The following TNRC6C variants were observed in gnomAD, a reference collection of about 807,000 sequenced individuals.
The protein encoded by TNRC6C is trinucleotide repeat containing adaptor 6C, also known as trinucleotide repeat-containing gene 6C protein.
Under a neutral mutation model 153.7 loss-of-function variants are expected in TNRC6C, and 20 were observed. The observed-to-expected ratio is 0.13, with a 90% confidence interval of 0.09 to 0.19. The LOEUF (loss-of-function observed/expected upper bound fraction) is 0.19. Among genes scored for constraint, TNRC6C ranks in the 10% least tolerant of loss-of-function variants. The probability of loss-of-function intolerance (pLI) is 1.00; values close to 1 mark genes in which losing one functional copy is unlikely to be tolerated. For missense variants in TNRC6C, 1,987 were observed against 2,172.0 expected, an observed-to-expected ratio of 0.91 and a Z score of 1.69; for synonymous variants, 811 against 841.4, an observed-to-expected ratio of 0.96 and a Z score of 0.63.
At chr17:77,961,158 T>C (rs1350596907) in intron 1 of TNRC6C, among the ~76,000 whole-genome samples, 1 of 132,568 alleles carries the variant, frequency 7.5e-6, no homozygotes, top group Non-Finnish European at 1.6e-5. Context: ...TCGGTTTTAC[T>C]TTTTTTTTTT....
At chr17:78,007,168 A>T (rs1340739111) in intron 1 of TNRC6C, among the ~76,000 whole-genome samples, 1 of 151,802 alleles carries the variant, frequency 6.6e-6, no homozygotes, top group African/African-American at 2.4e-5. Flanking sequence ...TTCATTGCTA[A>T]CTCCAAACTC....
exon 9 of TNRC6C, chr17:78,077,203 G>A: frequency 1.2e-6 from 2 of 1,602,640 alleles, no homozygotes; most frequent in Non-Finnish European, 1.7e-6. Flanking sequence ...CCTCGTGGAA[G>A]AGCCCACGCC....
chr17:77,959,433 C>CGGCCGG (rs370682207), intron 1 of TNRC6C, among the ~76,000 whole-genome samples, 165 bp downstream of exon 1: 2 of 151,040 alleles, frequency 1.3e-5, no homozygotes, highest in African/African-American at 4.8e-5. Context: ...CGGCGGGAAG[C>CGGCCGG]GGCCGGGGCC....
At chr17:78,037,890 A>G (rs1482453880) in intron 2 of TNRC6C, among the ~76,000 whole-genome samples, 1 of 152,170 alleles carries the variant, frequency 6.6e-6, no homozygotes, top group Non-Finnish European at 1.5e-5. Flanking sequence ...ATGAGCTATC[A>G]CTTTGAGCTG....
At chr17:78,070,328 A>G (rs1349163735) in intron 5 of TNRC6C, among the ~76,000 whole-genome samples, 1 of 152,208 alleles carries the variant, frequency 6.6e-6, no homozygotes, top group Non-Finnish European at 1.5e-5. Flanking sequence ...AGAGCTCCAT[A>G]TGCTCCATGA....
At chr17:78,039,317 C>A (rs373991520) in intron 2 of TNRC6C, among the ~76,000 whole-genome samples, 22 of 148,742 alleles carry the variant, frequency 1.5e-4, no homozygotes, top group Admixed American at 3.3e-4. Context: ...TTGCCCCCCC[C>A]CCCCACTCCC....
chr17:78,051,593 T>C, intron 3 of TNRC6C, 145 bp downstream of exon 5: 1 of 935,626 alleles, frequency 1.1e-6, no homozygotes, highest in Middle Eastern at 3.7e-4. Context: ...CCGTGCAATA[T>C]TGTATCTAAA....
chr17:78,050,008 G>A (rs1348513569), exon 3 of TNRC6C: 1 of 1,613,650 alleles, frequency 6.2e-7, no homozygotes, highest in East Asian at 2.2e-5. Context: ...AAGGGGCAGT[G>A]GCAACAATGG....
intron 5 of TNRC6C, among the ~76,000 whole-genome samples, chr17:78,068,716 C>T (rs577679392): frequency 5.9e-5 from 9 of 152,254 alleles, no homozygotes; most frequent in South Asian, 2.1e-4. Context: ...ATTGCTTAAA[C>T]CTGGGAGGCG....
intron 2 of TNRC6C, among the ~76,000 whole-genome samples, chr17:78,035,241 C>T (rs1019035063): frequency 1.3e-5 from 2 of 152,176 alleles, no homozygotes; most frequent in African/African-American, 4.8e-5. Context: ...AGGTGAGCAT[C>T]AGCAAGCATG....
intron 2 of TNRC6C, among the ~76,000 whole-genome samples, chr17:78,033,783 A>G (rs1053597335): frequency 3.3e-5 from 5 of 152,216 alleles, no homozygotes; most frequent in African/African-American, 1.2e-4. Context: ...TGATCAATCT[A>G]TGTAGTGAGC....
intron 1 of TNRC6C, among the ~76,000 whole-genome samples, chr17:77,997,162 G>A (rs1008076834): frequency 6.6e-5 from 10 of 152,198 alleles, no homozygotes; most frequent in Non-Finnish European, 1.3e-4. Flanking sequence ...TCAGGCTGCG[G>A]TAACTCCATA....
intron 1 of TNRC6C, among the ~76,000 whole-genome samples, chr17:77,967,515 G>T (rs1324614320): frequency 6.6e-6 from 1 of 152,130 alleles, no homozygotes; most frequent in African/African-American, 2.4e-5. Flanking sequence ...TGTATCTGCA[G>T]ATTTGAGGGG....
At chr17:78,031,532 G>C (rs547793089) in exon 2 of TNRC6C, 43 of 1,232,092 alleles carry the variant, frequency 3.5e-5, no homozygotes, top group Non-Finnish European at 4.3e-5. Context: ...AACCTACTAA[G>C]ACCTGTTCAA....
At chr17:77,997,964 T>C (rs985755450) in intron 1 of TNRC6C, among the ~76,000 whole-genome samples, 4 of 152,206 alleles carry the variant, frequency 2.6e-5, no homozygotes, top group African/African-American at 9.6e-5. Context: ...GACAACCATT[T>C]TATAATTTTT....
At chr17:78,067,649 A>G in intron 4 of TNRC6C, 108 bp from the exon 7 acceptor site, 1 of 1,225,690 alleles carries the variant, frequency 8.2e-7, no homozygotes, top group Non-Finnish European at 1.1e-6. Context: ...AAAAAGGTAG[A>G]TTACAATGCA....
chr17:78,042,868 A>G (rs2072328215), intron 2 of TNRC6C, among the ~76,000 whole-genome samples: 1 of 151,864 alleles, frequency 6.6e-6, no homozygotes. Flanking sequence ...GGAAGAGGAG[A>G]CATTCAGGGA....
At chr17:78,030,357 T>A (rs2072045281) in intron 1 of TNRC6C, among the ~76,000 whole-genome samples, 1 of 151,936 alleles carries the variant, frequency 6.6e-6, no homozygotes, top group Admixed American at 6.6e-5. Flanking sequence ...AGAGACAGGG[T>A]TTCACCATTT....
intron 8 of TNRC6C, among the ~76,000 whole-genome samples, chr17:78,076,205 T>C (rs929763198): frequency 2.7e-5 from 4 of 147,314 alleles, no homozygotes; most frequent in African/African-American, 1.0e-4. Flanking sequence ...GAGAGAGCGA[T>C]ACTCTGTCTC....
Sources: gnomAD v4.1 joint callset for allele counts (sites outside exome capture counted in the v4.1 genomes callset) on GRCh38, gnomAD v4.1.1 for gene constraint, MANE v1.5 for transcripts, NCBI Gene and HGNC (gene_info 2026-07-23, HGNC 2026-07-21) for gene names.